ADAMTS16: variants seen among roughly 807,000 people sequenced by gnomAD.
The protein encoded by ADAMTS16 is ADAM metallopeptidase with thrombospondin type 1 motif 16, also known as A disintegrin and metalloproteinase with thrombospondin motifs 16.
ADAMTS16 carries 94 observed loss-of-function variants against 145.8 expected under a neutral mutation model. The observed-to-expected ratio is 0.64, with a 90% CI of 0.55 to 0.77. The LOEUF (loss-of-function observed/expected upper bound fraction) is 0.77. ADAMTS16 is among the 30% of genes least tolerant of loss of function. The pLI, the probability that ADAMTS16 is intolerant of heterozygous loss-of-function variation, is 0.00. For synonymous variants in ADAMTS16, 659 were observed against 604.3 expected (o/e 1.09, Z -1.33); for missense variants, 1,585 against 1,591.5 (o/e 1.00, Z 0.07).
Position 5,236,991 on chromosome 5 carries a change from C to T in ADAMTS16, c.2046C>T (p.Tyr682=). The T allele has an allele frequency of 1.2e-6, 2 of 1,613,704 alleles. No homozygotes were observed. The highest frequency in any genetic ancestry group is 1.7e-6 in the Non-Finnish European group (2 of 1,179,912). The change falls in exon 14 of 23, where the codon TAC becomes TAT. Residue 682 remains tyrosine, a synonymous_variant. Transcript: ENST00000274181. ...AAGATCAGGACTTATGCAAACTCTA[C>T]TGTATCGCAGAAGGATTTGATTTCT... ...QVEDQDLCKL[Y]CIAEGFDFFF...
intron 17 of ADAMTS16, among the ~76,000 whole-genome samples, chr5:5,260,868 G>A (rs4323204): frequency 0.59 from 89,490 of 152,062 alleles, 27,685 homozygotes; most frequent in Middle Eastern, 0.73. Flanking sequence ...CTGGCATGAG[G>A]GATTTTTGTG....
At chr5:5,183,605 A>T (rs1735405932) in intron 4 of ADAMTS16, among the ~76,000 whole-genome samples, 1 of 152,234 alleles carries the variant, frequency 6.6e-6, no homozygotes, top group Admixed American at 6.5e-5. Flanking sequence ...CCTTGAAAAC[A>T]TCAAGCAATG....
chr5:5,199,644 T>C (rs1184749243), intron 8 of ADAMTS16, among the ~76,000 whole-genome samples: 2 of 152,172 alleles, frequency 1.3e-5, no homozygotes, highest in African/African-American at 4.8e-5. Context: ...AGTTCTCAAA[T>C]TGCAGTAAGC....
chr5:5,308,244 G>A (rs1454254806), intron 21 of ADAMTS16, among the ~76,000 whole-genome samples: 3 of 152,162 alleles, frequency 2.0e-5, no homozygotes, highest in Non-Finnish European at 2.9e-5. Flanking sequence ...AACTTTCACA[G>A]GTCTTTGCCT....
intron 18 of ADAMTS16, among the ~76,000 whole-genome samples, chr5:5,266,412 G>A (rs1738241200): frequency 6.6e-6 from 1 of 152,232 alleles, no homozygotes; most frequent in Admixed American, 6.5e-5. Flanking sequence ...CAGGGCAGCA[G>A]AGAGAAGCAA....
chr5:5,171,180 A>T (rs553566814), intron 3 of ADAMTS16, among the ~76,000 whole-genome samples: 1 of 152,282 alleles, frequency 6.6e-6, no homozygotes, highest in East Asian at 1.9e-4. Flanking sequence ...TGGTGTCTTT[A>T]GATTTTTTTC....
At chr5:5,275,129 A>G (rs1165874750) in intron 18 of ADAMTS16, among the ~76,000 whole-genome samples, 1 of 152,220 alleles carries the variant, frequency 6.6e-6, no homozygotes. Context: ...TTCAGAATCA[A>G]GGTTCTGGGG....
At chr5:5,140,888 G>T (rs1734146906) in intron 2 of ADAMTS16, 122 bp downstream of exon 2, 3 of 965,146 alleles carry the variant, frequency 3.1e-6, no homozygotes, top group Non-Finnish European at 4.2e-6. Context: ...TTAAGATGCT[G>T]TTGTGAACTT....
intron 18 of ADAMTS16, among the ~76,000 whole-genome samples, chr5:5,302,271 G>A (rs1023944524): frequency 1.3e-5 from 2 of 152,196 alleles, no homozygotes; most frequent in East Asian, 1.9e-4. Context: ...CAACATGCAC[G>A]TTGATGGGGT....
At chr5:5,249,766 C>T (rs897576572) in intron 17 of ADAMTS16, among the ~76,000 whole-genome samples, 3 of 152,190 alleles carry the variant, frequency 2.0e-5, no homozygotes, top group African/African-American at 7.2e-5. Flanking sequence ...GCCTTTTACA[C>T]CCTGCCCTCT....
chr5:5,159,817 G>C (rs1016742310), intron 3 of ADAMTS16, among the ~76,000 whole-genome samples: 1 of 152,200 alleles, frequency 6.6e-6, no homozygotes, highest in African/African-American at 2.4e-5. Flanking sequence ...AAAGAAAGTT[G>C]TCTATTCCCA....
At chr5:5,209,850 C>T (rs189581340) in intron 10 of ADAMTS16, among the ~76,000 whole-genome samples, 33 of 152,150 alleles carry the variant, frequency 2.2e-4, no homozygotes, top group African/African-American at 7.9e-4. Context: ...GGAAAAGCTA[C>T]CCATAAATTA....
Position 5,140,524 on chromosome 5 carries a change from G to C in ADAMTS16, c.57G>C (p.Ala19=). The part of the protein sequence containing the change: ...RGLAALWMLL[A]QVAEQAPACA... ...TGGCGGCGCTGTGGATGCTGTTGGC[G>C]CAGGTGGCCGAGCAGGTGAGTCCCG... The change falls in exon 1 of 23, where the codon GCG becomes GCC. Residue 19 remains alanine, a synonymous_variant. Transcript: ENST00000274181. 1 of 1,513,812 alleles carries C rather than the reference G, an allele frequency of 6.6e-7. No individual in the cohort carries two copies. The highest frequency in any genetic ancestry group is 1.2e-5 in the South Asian group (1 of 81,492). The allele number at this position is 1,513,812 out of a possible 1,614,324, so 93.8% of individuals were successfully genotyped here.
At chr5:5,168,302 C>T (rs1734936610) in intron 3 of ADAMTS16, among the ~76,000 whole-genome samples, 1 of 150,234 alleles carries the variant, frequency 6.7e-6, no homozygotes, top group South Asian at 2.1e-4. Context: ...TGTCTTGACT[C>T]CTTTAATATT....
At chr5:5,260,414 A>G (rs1737970750) in intron 17 of ADAMTS16, among the ~76,000 whole-genome samples, 1 of 152,238 alleles carries the variant, frequency 6.6e-6, no homozygotes, top group Non-Finnish European at 1.5e-5. Context: ...ATTTTTAAAT[A>G]ACCTATTCCT....
At chr5:5,195,279 T>C (rs1489013576) in intron 8 of ADAMTS16, among the ~76,000 whole-genome samples, 1 of 152,212 alleles carries the variant, frequency 6.6e-6, no homozygotes, top group South Asian at 2.1e-4. Flanking sequence ...ACACAGGACA[T>C]GTGGTTTGCT....
chr5:5,234,423 T>A (rs1036425623), intron 12 of ADAMTS16, among the ~76,000 whole-genome samples: 2 of 152,158 alleles, frequency 1.3e-5, no homozygotes, highest in Admixed American at 1.3e-4. Context: ...AGGACAGCCC[T>A]GCCCACCCTG....
At chr5:5,268,333 G>A (rs961591763) in intron 18 of ADAMTS16, among the ~76,000 whole-genome samples, 1 of 152,166 alleles carries the variant, frequency 6.6e-6, no homozygotes. Flanking sequence ...GAGCTCCCCT[G>A]GGAGGACCCC....
intron 11 of ADAMTS16, among the ~76,000 whole-genome samples, chr5:5,227,505 CTGTGTGTGTG>C (rs55875918): frequency 0.013 from 1,876 of 148,382 alleles, 33 homozygotes; most frequent in African/African-American, 0.036. Flanking sequence ...AGATCTAATA[CTGTGTGTGTG>C]TGTGTGTGTG....
Sources: gnomAD v4.1 joint callset for allele counts (sites outside exome capture counted in the v4.1 genomes callset) on GRCh38, gnomAD v4.1.1 for gene constraint, MANE v1.5 for transcripts, NCBI Gene and HGNC (gene_info 2026-07-23, HGNC 2026-07-21) for gene names.